SLC30A6: variants seen among roughly 807,000 people sequenced by gnomAD.
SLC30A6 encodes zinc transporter 6.
A neutral mutation model predicts 63.0 loss-of-function variants in SLC30A6; 55 were observed. The observed-to-expected ratio is 0.87, with a 90% confidence interval of 0.70 to 1.09. SLC30A6 has a LOEUF of 1.09. SLC30A6 is among the 50% of genes least tolerant of loss of function. SLC30A6 has a pLI of 0.00. For missense variants in SLC30A6, 587 were observed against 549.2 expected (o/e 1.07, Z -0.69); for synonymous variants, 224 against 186.1 (o/e 1.20, Z -1.66).
At chr2:32,196,075 G>A (rs902437887) in intron 8 of SLC30A6, among the ~76,000 whole-genome samples, 5 of 152,182 alleles carry the variant, frequency 3.3e-5, no homozygotes, top group African/African-American at 1.2e-4. Flanking sequence ...AGCAGTTTGG[G>A]AGACCAAGTC....
At chr2:32,197,617 G>T in intron 9 of SLC30A6, 90 bp from the exon 10 acceptor site, 1 of 1,564,126 alleles carries the variant, frequency 6.4e-7, no homozygotes, top group South Asian at 1.2e-5. Context: ...ACACTATGTG[G>T]TACCAAAATA....
intron 4 of SLC30A6, among the ~76,000 whole-genome samples, chr2:32,180,795 TAACA>T (rs1419844135): frequency 1.3e-5 from 2 of 152,220 alleles, no homozygotes; most frequent in Non-Finnish European, 2.9e-5. Context: ...CCATATTTGA[TAACA>T]AACTAACGGT....
intron 5 of SLC30A6, among the ~76,000 whole-genome samples, chr2:32,185,049 TCAA>T (rs1329179581): frequency 6.6e-6 from 1 of 152,146 alleles, no homozygotes; most frequent in Non-Finnish European, 1.5e-5. Context: ...TAGCAATAGA[TCAA>T]CAAATAATTT....
intron 2 of SLC30A6, 88 bp from the exon 3 acceptor site, chr2:32,173,975 A>C: frequency 1.1e-6 from 1 of 936,884 alleles, no homozygotes; most frequent in Non-Finnish European, 1.6e-6. Context: ...TATTCCTTTG[A>C]ATATCAGAGT....
chr2:32,192,550 T>G (rs1281928767), intron 6 of SLC30A6, 134 bp downstream of exon 6: 1 of 671,438 alleles, frequency 1.5e-6, no homozygotes, highest in Non-Finnish European at 2.5e-6. Flanking sequence ...ATAGTACACT[T>G]TCTTTATGTT....
chr2:32,186,419 C>T (rs1682817383), intron 5 of SLC30A6, among the ~76,000 whole-genome samples: 1 of 152,340 alleles, frequency 6.6e-6, no homozygotes, highest in South Asian at 2.1e-4. Context: ...GGTGCGGTGG[C>T]TTACGCCTAT....
chr2:32,206,537 A>G (rs1339224826), intron 11 of SLC30A6, among the ~76,000 whole-genome samples: 1 of 152,166 alleles, frequency 6.6e-6, no homozygotes, highest in Non-Finnish European at 1.5e-5. Flanking sequence ...TTAGGGCAGT[A>G]GTTCCATCTC....
chr2:32,174,511 C>G (rs945079552), intron 3 of SLC30A6, among the ~76,000 whole-genome samples: 1 of 133,674 alleles, frequency 7.5e-6, no homozygotes, highest in Non-Finnish European at 1.6e-5. Flanking sequence ...TTTAAATAAG[C>G]TGTTATTTTT....
At chr2:32,206,683 C>G (rs899327573) in intron 11 of SLC30A6, among the ~76,000 whole-genome samples, 1 of 151,998 alleles carries the variant, frequency 6.6e-6, no homozygotes, top group East Asian at 1.9e-4. Flanking sequence ...ATCTTATCTT[C>G]AAGATAAAAA....
chr2:32,219,436 T>C (rs1455334635), intron 13 of SLC30A6, among the ~76,000 whole-genome samples: 1 of 151,640 alleles, frequency 6.6e-6, no homozygotes, highest in East Asian at 1.9e-4. Flanking sequence ...TACTTGGACT[T>C]CTTTTTTTTC....
In SLC30A6 at chr2:32,181,921, C is replaced by T. The variant is rs146719228; in HGVS notation, c.219-2352C>T. Among the ~76,000 whole-genome samples, 506 of 147,054 alleles carry T rather than the reference C, an allele frequency of 3.4e-3. 4 individuals are homozygous for T. The highest frequency in any genetic ancestry group is 0.012 in the African/African-American group (491 of 39,926). On this transcript the variant is annotated intron_variant, in intron 4 of 13. Coordinates refer to ENST00000282587, the MANE Select transcript of SLC30A6 (RefSeq NM_017964.5). ...TGATTGAAGCTTCAATTGTATATTT[C>T]GTTTTTCTTTTCTTTTTTTTTTTTT...
intron 1 of SLC30A6, among the ~76,000 whole-genome samples, chr2:32,168,427 T>C (rs1328431547): frequency 6.7e-6 from 1 of 148,584 alleles, no homozygotes; most frequent in Non-Finnish European, 1.5e-5. Context: ...ATAAATAATA[T>C]AAATATATAA....
intron 4 of SLC30A6, among the ~76,000 whole-genome samples, chr2:32,175,776 G>C (rs1005420906): frequency 6.6e-6 from 1 of 152,128 alleles, no homozygotes; most frequent in Non-Finnish European, 1.5e-5. Context: ...AGGAGTTTAC[G>C]ACCAGCCTGG....
At chr2:32,215,553 G>A (rs576681264) in intron 13 of SLC30A6, among the ~76,000 whole-genome samples, 17 of 141,800 alleles carry the variant, frequency 1.2e-4, no homozygotes, top group African/African-American at 4.2e-4. Flanking sequence ...TAGGCAAATA[G>A]TACCCAATTG....
chr2:32,174,231 T>C (rs938618397), intron 3 of SLC30A6, 84 bp downstream of exon 3: 2 of 969,244 alleles, frequency 2.1e-6, no homozygotes, highest in Non-Finnish European at 3.1e-6. Context: ...TTACATAGAA[T>C]ATATTATTCT....
chr2:32,170,644 G>T (rs183652832), intron 1 of SLC30A6, among the ~76,000 whole-genome samples: 1 of 152,260 alleles, frequency 6.6e-6, no homozygotes, highest in East Asian at 1.9e-4. Context: ...TGTCACCGAG[G>T]CCAGAGTGCA....
chr2:32,184,207 A>G, intron 4 of SLC30A6, 66 bp from the exon 5 acceptor site: 1 of 873,022 alleles, frequency 1.1e-6, no homozygotes, highest in Non-Finnish European at 1.7e-6. Flanking sequence ...GAATTCTGAA[A>G]ACTTAATTTA....
chr2:32,221,171 GT>G lies in SLC30A6; in HGVS notation c.*464del. The G allele has an allele frequency of 9.7e-6, 2 of 206,528 alleles. No homozygotes were observed. Among genetic ancestry groups the G allele is most frequent in the African/African-American group, 2.4e-5 (1 of 42,146 alleles). The allele number at this position is 206,528 out of a possible 1,614,324, so 12.8% of individuals were successfully genotyped here. On this transcript the variant is annotated 3_prime_UTR_variant, in exon 14 of 14. Coordinates refer to ENST00000282587, the MANE Select transcript of SLC30A6 (RefSeq NM_017964.5). ...GCTTCCTTAGTTTTTGTTTTGTTTT[GT>G]TTTTTGAGATGGAGTCTCACTCTGT...
Position 32,184,328 on chromosome 2 carries a change from T to C in SLC30A6, c.274T>C (p.Tyr92His), listed in dbSNP as rs200184086. ...WVTLRKPSPV[Y>H]SFGFERLEVL... is the part of the protein sequence containing the mutation. ...AACATTGAGGAAACCTAGCCCTGTC[T>C]ATTCATTTGGGTAAGTTCAAATTAT... is the stretch of plus-strand genomic sequence containing the variant. The change falls in exon 5 of 14, where the codon TAT becomes CAT. Residue 92 changes from tyrosine to histidine, a missense_variant. Tyr to His is a moderately conservative substitution (Grantham distance 83). Transcript: ENST00000282587. 70 of 1,500,918 alleles carry C rather than the reference T, an allele frequency of 4.7e-5. No individual in the cohort carries two copies. The African/African-American group carries it at 5.7e-4, about 12-fold the overall frequency. The allele number at this position is 1,500,918 out of a possible 1,614,324, so 93.0% of individuals were successfully genotyped here.
Sources: allele counts gnomAD v4.1 joint callset (sites outside exome capture counted in the v4.1 genomes callset), GRCh38; gene constraint gnomAD v4.1.1; transcripts MANE v1.5; gene names NCBI Gene and HGNC (gene_info 2026-07-23, HGNC 2026-07-21).